The following F9 variants were observed in gnomAD, a reference collection of about 807,000 sequenced individuals.
The protein encoded by F9 is coagulation factor IX.
F9 carries 2 observed loss-of-function variants against 34.1 expected under a neutral mutation model. The observed-to-expected ratio is 0.06, with a 90% CI of 0.02 to 0.18. The LOEUF (loss-of-function observed/expected upper bound fraction) is 0.18, where lower values mean the gene tolerates loss of function less well. F9 is among the 10% of genes least tolerant of loss of function. F9 has a pLI of 1.00. For missense variants in F9, 216 were observed against 345.1 expected (o/e 0.63, Z 2.96); for synonymous variants, 137 against 118.8 (o/e 1.15, Z -1.00).
Position 139,537,116 on chromosome X carries a change from G to A in F9, c.195G>A (p.Met65Ile), listed in dbSNP as rs763568424. 6 of 1,211,036 alleles carry A rather than the reference G, an allele frequency of 5.0e-6. No homozygotes were observed. The South Asian group carries it at 8.8e-5, about 18-fold the overall frequency. ...AAGGGAACCTTGAGAGAGAATGTAT[G>A]GAAGAAAAGTGTAGTTTTGAAGAAG... Reference protein sequence around the residue: ...FVQGNLERECMEEKCSFEEAR... With the variant: ...FVQGNLERECIEEKCSFEEAR... Residue 65 changes from methionine (M) to isoleucine (I), a missense_variant, in exon 2 of 8, where the codon ATG becomes ATA. Transcript: ENST00000218099.
intron 6 of F9, among the ~76,000 whole-genome samples, chrX:139,557,642 G>T (rs1316158263): frequency 8.9e-6 from 1 of 112,204 alleles, no homozygotes. Flanking sequence ...TGATATCATT[G>T]CATGTGAATT....
chrX:139,543,009 C>T (rs191904304), intron 4 of F9, among the ~76,000 whole-genome samples: 1 of 110,610 alleles, frequency 9.0e-6, no homozygotes, highest in East Asian at 2.8e-4. Context: ...TCTCAGACAA[C>T]AGAGGAAAGC....
At chrX:139,541,714 T>C (rs1329805669) in intron 4 of F9, among the ~76,000 whole-genome samples, 1 of 112,202 alleles carries the variant, frequency 8.9e-6, no homozygotes, top group Non-Finnish European at 1.9e-5. Flanking sequence ...ATGGGAATTC[T>C]CCACATGTAC....
chrX:139,539,014 A>C (rs1367731325), intron 3 of F9, among the ~76,000 whole-genome samples: 1 of 112,026 alleles, frequency 8.9e-6, no homozygotes, highest in Non-Finnish European at 1.9e-5. Context: ...ACTTGCAGTC[A>C]AGGTTCCTAA....
At chrX:139,545,154 T>C (rs897067258) in intron 4 of F9, 3 of 111,888 alleles carry the variant, frequency 2.7e-5, no homozygotes, top group African/African-American at 9.7e-5. Context: ...AGGAGGTATC[T>C]AATACAGTCA....
intron 3 of F9, among the ~76,000 whole-genome samples, chrX:139,537,754 G>A (rs1330794368): frequency 1.8e-5 from 2 of 111,066 alleles, no homozygotes; most frequent in Non-Finnish European, 3.8e-5. Context: ...TCATTATCAT[G>A]GCCCACAAGC....
intron 1 of F9, among the ~76,000 whole-genome samples, chrX:139,533,332 C>CT (rs947625810): frequency 1.8e-4 from 20 of 111,812 alleles, no homozygotes; most frequent in African/African-American, 6.2e-4. Context: ...GGGCAAAGCC[C>CT]TTAGCCTCTA....
At chrX:139,546,543 AAAT>A (rs1374842756) in intron 4 of F9, among the ~76,000 whole-genome samples, 1 of 111,987 alleles carries the variant, frequency 8.9e-6, no homozygotes, top group South Asian at 3.7e-4. Flanking sequence ...TCACTGAAAA[AAAT>A]AAGTAAAACT....
intron 1 of F9, 43 bp downstream of exon 1, chrX:139,530,895 T>C: frequency 3.0e-6 from 3 of 1,015,458 alleles, no homozygotes; most frequent in Non-Finnish European, 4.2e-6. Flanking sequence ...GCTTGCCTTT[T>C]AGATATAGAA....
intron 5 of F9, among the ~76,000 whole-genome samples, chrX:139,549,957 G>T (rs1000506740): frequency 1.8e-5 from 2 of 111,645 alleles, no homozygotes; most frequent in African/African-American, 6.5e-5. Context: ...AGTCTACCTT[G>T]AGAGGAGCAT....
In F9 at chrX:139,561,714, C is replaced by T. The variant is rs145026483; in HGVS notation, c.1029C>T (p.Asn343=). 1.7e-4 allele frequency: 201 copies of T among 1,210,304 alleles called. No individual in the cohort carries two copies. The highest frequency in any genetic ancestry group is 6.9e-4 in the Middle Eastern group (3 of 4,377). ...GCATTGCTGACAAGGAATACACGAA[C>T]ATCTTCCTCAAATTTGGATCTGGCT... The part of the protein sequence containing the change: ...PICIADKEYT[N]IFLKFGSGYV... Residue 343 remains asparagine (N), a synonymous_variant, in exon 8 of 8, where the codon AAC becomes AAT. Transcript: ENST00000218099.
chrX:139,536,134 G>T (rs865887209), intron 1 of F9, among the ~76,000 whole-genome samples: 15 of 104,590 alleles, frequency 1.4e-4, no homozygotes, highest in South Asian at 8.1e-4. Flanking sequence ...ATATATATAT[G>T]ATATGATATA....
At chrX:139,546,514 T>C (rs947155558) in intron 4 of F9, among the ~76,000 whole-genome samples, 3 of 111,738 alleles carry the variant, frequency 2.7e-5, no homozygotes, top group Non-Finnish European at 5.7e-5. Context: ...GATTATGAAA[T>C]TGCGGTTGCT....
intron 5 of F9, among the ~76,000 whole-genome samples, 169 bp from the exon 6 acceptor site, chrX:139,550,893 C>T (rs759271387): frequency 3.6e-5 from 4 of 111,772 alleles, no homozygotes; most frequent in Non-Finnish European, 7.5e-5. Flanking sequence ...GAAAATAACG[C>T]AATCAACCTT....
chrX:139,530,858 T>C lies in F9; in HGVS notation c.88+6T>C, dbSNP rs2148353020. ...ACTCAGTGCTGAATGTACAGGTTTG[T>C]TTCCTTTTTTAAAATACATTGAGTA... On this transcript the variant is annotated splice_donor_region_variant and intron_variant, in intron 1 of 7. Transcript: ENST00000218099. 7.6e-6 allele frequency: 9 copies of C among 1,179,382 alleles called. No individual in the cohort carries two copies. Among genetic ancestry groups the C allele is most frequent in the Non-Finnish European group, 1.0e-5 (9 of 865,976 alleles).
At chrX:139,548,320 G>A (rs961830711) in intron 4 of F9, 43 bp from the exon 5 acceptor site, 1 of 1,191,019 alleles carries the variant, frequency 8.4e-7, no homozygotes, top group East Asian at 3.0e-5. Context: ...TTTTAGAAAT[G>A]CATGTTAAAT....
At position 139,562,895 on chromosome X, in the gene F9, TA is replaced by T. The variant is rs1222460578; in HGVS notation, c.*825del. On this transcript the variant is annotated 3_prime_UTR_variant, in exon 8 of 8. Coordinates refer to ENST00000218099, the MANE Select transcript of F9 (RefSeq NM_000133.4). ...AAATATATAATATACAATATAAATA[TA>T]TAGTGTGTGTGTATGCGTGTGTGTA... 1 of 88,485 alleles carries T rather than the reference TA, an allele frequency of 1.1e-5. No individual in the cohort carries two copies. The highest frequency in any genetic ancestry group is 4.0e-5 in the African/African-American group (1 of 25,242). The allele number at this position is 88,485 out of a possible 1,213,427, so 7.3% of individuals were successfully genotyped here.
At chrX:139,537,278 A>G in intron 2 of F9, 84 bp from the exon 3 acceptor site, 1 of 1,086,085 alleles carries the variant, frequency 9.2e-7, no homozygotes, top group Non-Finnish European at 1.3e-6. Context: ...ATATTTATGT[A>G]TGTTAAATGT....
In F9 at chrX:139,562,106, T is replaced by G; in HGVS notation, c.*35T>G. On this transcript the variant is annotated 3_prime_UTR_variant, in exon 8 of 8. Coordinates refer to ENST00000218099, the MANE Select transcript of F9 (RefSeq NM_000133.4). The stretch of plus-strand genomic sequence containing the variant: ...GATTTCCAAGGTTAATTCATTGGAA[T>G]TGAAAATTAACAGGGCCTCTCACTA... The G allele has an allele frequency of 8.7e-7, 1 of 1,149,809 alleles. No individual in the cohort carries two copies. 94.8% of individuals were successfully genotyped at this position (1,149,809 alleles called of 1,213,427 possible).
Sources: gnomAD v4.1 joint callset for allele counts (sites outside exome capture counted in the v4.1 genomes callset) on GRCh38, gnomAD v4.1.1 for gene constraint, MANE v1.5 for transcripts, NCBI Gene and HGNC (gene_info 2026-07-23, HGNC 2026-07-21) for gene names.